INPP4B: variants seen among roughly 807,000 people sequenced by gnomAD.
INPP4B encodes inositol polyphosphate 4-phosphatase type II.
In INPP4B, 55 loss-of-function variants were observed where a neutral mutation model predicts 122.5. That is an observed-to-expected ratio of 0.45 (90% CI 0.36 to 0.56). The LOEUF is 0.56. Among genes scored for constraint, INPP4B ranks in the 20% least tolerant of loss-of-function variants. The pLI is 0.00. For synonymous variants in INPP4B, 403 were observed against 388.7 expected, an observed-to-expected ratio of 1.04 and a Z score of -0.43; for missense variants, 1,000 against 1,097.7, an observed-to-expected ratio of 0.91 and a Z score of 1.26.
intron 3 of INPP4B, among the ~76,000 whole-genome samples, chr4:142,450,975 T>A (rs201177694): frequency 6.8e-6 from 1 of 146,226 alleles, no homozygotes. Flanking sequence ...TAAAATTAAC[T>A]CCCCCCCCCA....
chr4:142,260,685 CT>C, intron 10 of INPP4B, 121 bp from the exon 11 acceptor site: 1 of 653,000 alleles, frequency 1.5e-6, no homozygotes. Context: ...GAATAAAATA[CT>C]TTTTAAAAAC....
At chr4:142,658,049 GGATTTCTAAAATCCT>G (rs780136798) in intron 2 of INPP4B, among the ~76,000 whole-genome samples, 12 of 152,004 alleles carry the variant, frequency 7.9e-5, no homozygotes, top group Non-Finnish European at 1.6e-4. Flanking sequence ...AAATTGCATG[GGATTTCTAAAATCCT>G]GATGTCTAAC....
chr4:142,045,478 A>G (rs1057063159), intron 25 of INPP4B, among the ~76,000 whole-genome samples: 5 of 152,128 alleles, frequency 3.3e-5, no homozygotes, highest in Admixed American at 6.6e-5. Flanking sequence ...ATCTACTTAG[A>G]GTTAATAAAG....
At chr4:142,740,462 A>C (rs963248086) in intron 1 of INPP4B, among the ~76,000 whole-genome samples, 1 of 152,072 alleles carries the variant, frequency 6.6e-6, no homozygotes, top group Non-Finnish European at 1.5e-5. Context: ...TTTGAATTTT[A>C]AAAAAGTAAG....
intron 7 of INPP4B, among the ~76,000 whole-genome samples, chr4:142,385,293 T>C (rs1193642685): frequency 2.0e-5 from 3 of 152,122 alleles, no homozygotes; most frequent in African/African-American, 4.8e-5. Flanking sequence ...TTTTCAATTA[T>C]AGCCATTCTG....
chr4:142,407,466 T>A (rs1329547133), intron 5 of INPP4B, among the ~76,000 whole-genome samples: 2 of 152,208 alleles, frequency 1.3e-5, no homozygotes, highest in Non-Finnish European at 2.9e-5. Context: ...AGAGAGACTC[T>A]CACCCTCGTT....
intron 25 of INPP4B, among the ~76,000 whole-genome samples, chr4:142,039,560 A>G (rs1035043503): frequency 3.3e-5 from 5 of 152,106 alleles, no homozygotes; most frequent in African/African-American, 1.2e-4. Context: ...AACAGTTAGG[A>G]AAGTGGCCTG....
intron 5 of INPP4B, among the ~76,000 whole-genome samples, chr4:142,421,124 A>C (rs1806791538): frequency 6.6e-6 from 1 of 152,132 alleles, no homozygotes; most frequent in Admixed American, 6.6e-5. Flanking sequence ...TCATACTCCT[A>C]GTTCTTAGTT....
At chr4:142,675,307 C>T (rs190274857) in intron 2 of INPP4B, among the ~76,000 whole-genome samples, 9 of 151,926 alleles carry the variant, frequency 5.9e-5, no homozygotes, top group Admixed American at 3.3e-4. Flanking sequence ...AGGAAGAAGG[C>T]GATTCCCTGA....
At chr4:142,029,034 T>C (rs957967591) in intron 25 of INPP4B, 120 bp from the exon 26 acceptor site, 5 of 1,301,068 alleles carry the variant, frequency 3.8e-6, no homozygotes, top group Middle Eastern at 2.4e-4. Flanking sequence ...CAACTCTACA[T>C]TTTTTTTTTC....
intron 7 of INPP4B, among the ~76,000 whole-genome samples, chr4:142,351,899 G>A (rs1782040726): frequency 6.6e-6 from 1 of 151,962 alleles, no homozygotes; most frequent in Non-Finnish European, 1.5e-5. Context: ...CAATACTTGT[G>A]AGCTCATTAT....
At chr4:142,143,271 T>G (rs1325993449) in intron 18 of INPP4B, among the ~76,000 whole-genome samples, 2 of 152,068 alleles carry the variant, frequency 1.3e-5, no homozygotes, top group African/African-American at 2.4e-5. Flanking sequence ...CATTAAATTA[T>G]CCTAAAAACT....
At chr4:142,746,477 C>T (rs1366834593) in intron 1 of INPP4B, among the ~76,000 whole-genome samples, 4 of 152,044 alleles carry the variant, frequency 2.6e-5, no homozygotes, top group African/African-American at 9.7e-5. Context: ...AATACTATTC[C>T]CATCAAGCTA....
intron 1 of INPP4B, among the ~76,000 whole-genome samples, chr4:142,740,239 A>G (rs778457158): frequency 1.3e-5 from 2 of 152,054 alleles, no homozygotes; most frequent in South Asian, 2.1e-4. Flanking sequence ...CAAAAAATAA[A>G]CAATCTAAGC....
chr4:142,489,745 C>A (rs1421902257), intron 2 of INPP4B, among the ~76,000 whole-genome samples: 1 of 151,994 alleles, frequency 6.6e-6, no homozygotes, highest in Non-Finnish European at 1.5e-5. Context: ...TTCTGAGAGT[C>A]AATGTTAAAA....
At chr4:142,822,253 C>T (rs150720560) in intron 1 of INPP4B, among the ~76,000 whole-genome samples, 66 of 152,280 alleles carry the variant, frequency 4.3e-4, no homozygotes, top group African/African-American at 7.2e-4. Context: ...ACTTTAAGTG[C>T]ATTATCATTT....
chr4:142,199,915 C>T (rs979866320), intron 14 of INPP4B, among the ~76,000 whole-genome samples: 1 of 152,036 alleles, frequency 6.6e-6, no homozygotes, highest in Non-Finnish European at 1.5e-5. Flanking sequence ...TAGTAAAAAT[C>T]TGGGGGAACA....
intron 1 of INPP4B, among the ~76,000 whole-genome samples, chr4:142,743,188 A>G (rs1386191358): frequency 2.0e-5 from 3 of 151,994 alleles, no homozygotes; most frequent in African/African-American, 7.2e-5. Flanking sequence ...ATGCAGCACA[A>G]AACTGTACTT....
chr4:142,686,157 T>C (rs886416452), intron 2 of INPP4B, among the ~76,000 whole-genome samples: 4 of 152,090 alleles, frequency 2.6e-5, no homozygotes, highest in Non-Finnish European at 5.9e-5. Flanking sequence ...TGTGAAACTA[T>C]CTAGAATGTT....
Sources: allele counts gnomAD v4.1 joint callset (sites outside exome capture counted in the v4.1 genomes callset), GRCh38; gene constraint gnomAD v4.1.1; transcripts MANE v1.5; gene names NCBI Gene and HGNC (gene_info 2026-07-23, HGNC 2026-07-21).